The following GSE1 variants were observed in gnomAD, a reference collection of about 807,000 sequenced individuals.
GSE1 encodes the protein genetic suppressor element 1.
In GSE1, 32 loss-of-function variants were observed where a neutral mutation model predicts 112.6. That is an observed-to-expected ratio of 0.28 (90% confidence interval 0.21 to 0.38). GSE1 has a LOEUF of 0.38. Among genes scored for constraint, GSE1 ranks in the 10% least tolerant of loss-of-function variants. The pLI is 1.00. For synonymous variants in GSE1, 1,115 were observed against 735.6 expected (o/e 1.52, Z -8.35); for missense variants, 2,348 against 1,699.2 (o/e 1.38, Z -6.71).
At chr16:85,516,457 CAAAAAAAA>C (rs71151299) in intron 2 of GSE1, among the ~76,000 whole-genome samples, 5 of 69,442 alleles carry the variant, frequency 7.2e-5, no homozygotes, top group African/African-American at 1.5e-4. Context: ...CCCATCTCTA[CAAAAAAAA>C]AAAAAAAAAA....
At chr16:85,448,661 A>C (rs1301402615) in intron 2 of GSE1, among the ~76,000 whole-genome samples, 1 of 152,198 alleles carries the variant, frequency 6.6e-6, no homozygotes, top group African/African-American at 2.4e-5. Flanking sequence ...TCCATCTGCC[A>C]AGTTAATGCA....
At chr16:85,368,905 C>A (rs564511613) in intron 2 of GSE1, among the ~76,000 whole-genome samples, 3 of 152,094 alleles carry the variant, frequency 2.0e-5, no homozygotes, top group Admixed American at 6.5e-5. Context: ...CTGCGGGCTC[C>A]CTGAGTTGAG....
rs1285140067 is a variant in GSE1 at position 85,668,414 on chromosome 16, A to G, written c.3405A>G (p.Glu1135=). The change falls in exon 14 of 16, where the codon GAA becomes GAG. Residue 1135 remains glutamate, a synonymous_variant. Transcript: ENST00000253458. The part of the protein sequence containing the change: ...GIEAVFEAYQ[E]HIEEQNLERQ... Reference sequence around the variant, plus strand: ...AGGCCGTTTTTGAAGCTTACCAGGAACACATAGAAGGTAAGGGGGTGCTGG... The same window carrying G: ...AGGCCGTTTTTGAAGCTTACCAGGAGCACATAGAAGGTAAGGGGGTGCTGG... The G allele has an allele frequency of 2.5e-6, 4 of 1,592,884 alleles. No homozygotes were observed. The Admixed American group carries it at 5.0e-5, about 20-fold the overall frequency.
intron 1 of GSE1, among the ~76,000 whole-genome samples, chr16:85,192,338 C>T (rs1380771388): frequency 1.3e-5 from 2 of 152,318 alleles, no homozygotes; most frequent in East Asian, 3.9e-4. Flanking sequence ...TATAATTTCC[C>T]CATCTGTAAA....
intron 1 of GSE1, among the ~76,000 whole-genome samples, chr16:85,310,181 G>A (rs982530748): frequency 2.0e-5 from 3 of 152,016 alleles, no homozygotes; most frequent in Admixed American, 1.3e-4. Context: ...TCCCGCTGGC[G>A]CCCCCACGCC....
intron 3 of GSE1, among the ~76,000 whole-genome samples, 163 bp downstream of exon 3, chr16:85,648,914 G>A (rs554925145): frequency 1.8e-4 from 27 of 152,104 alleles, no homozygotes; most frequent in Non-Finnish European, 3.1e-4. Context: ...GGGTGACAGC[G>A]GCACCCTCCT....
chr16:85,232,205 C>T (rs1904293901), intron 1 of GSE1, among the ~76,000 whole-genome samples: 1 of 152,186 alleles, frequency 6.6e-6, no homozygotes, highest in African/African-American at 2.4e-5. Context: ...TGACTCCTTC[C>T]TTGGGAGCTG....
Position 85,578,777 on chromosome 16 carries a change from T to G in GSE1, c.37+22414T>G, listed in dbSNP as rs78707274. 1.6e-3 allele frequency among the ~76,000 whole-genome samples: 249 copies of G among 152,240 alleles called. 2 individuals are homozygous for G. The highest frequency in any genetic ancestry group is 5.5e-3 in the African/African-American group (229 of 41,538). On this transcript the variant is annotated intron_variant, in intron 1 of 2. Transcript: ENST00000635906. ...CAGGGCCTTTGCACAGGCTAGTCTC[T>G]CTTGCTCATTCAGGCCTCTGCTCAG...
chr16:85,457,122 C>T (rs2049849818), intron 2 of GSE1, among the ~76,000 whole-genome samples: 1 of 152,200 alleles, frequency 6.6e-6, no homozygotes. Context: ...CTCCCGCTTT[C>T]CTCTGACCCC....
At chr16:85,490,482 C>T (rs2050974887) in intron 2 of GSE1, 1 of 152,288 alleles carries the variant, frequency 6.6e-6, no homozygotes, top group Admixed American at 6.5e-5. Flanking sequence ...AGGCCCAGGG[C>T]ATCGTAGCCA....
intron 2 of GSE1, among the ~76,000 whole-genome samples, chr16:85,421,662 C>CG (rs1322467337): frequency 2.6e-5 from 4 of 152,114 alleles, no homozygotes; most frequent in Non-Finnish European, 5.9e-5. Flanking sequence ...CTGGGGGCGT[C>CG]GGGGGTGCTT....
At chr16:85,663,280 C>G in intron 10 of GSE1, 64 bp from the exon 11 acceptor site, 2 of 1,563,554 alleles carry the variant, frequency 1.3e-6, no homozygotes, top group Non-Finnish European at 1.7e-6. Flanking sequence ...GAGGGGACCC[C>G]GGGACAGTGC....
chr16:85,169,712 C>G, exon 1 of GSE1: 5 of 983,382 alleles, frequency 5.1e-6, no homozygotes, highest in Non-Finnish European at 6.0e-6. Context: ...CCCTTCTTCC[C>G]GTTCCTGCAG....
chr16:85,653,803 C>T (rs569778036), intron 3 of GSE1, among the ~76,000 whole-genome samples: 17 of 152,350 alleles, frequency 1.1e-4, no homozygotes, highest in Admixed American at 8.5e-4. Flanking sequence ...AGGACATCTG[C>T]GGCCAGGTGG....
At chr16:85,379,075 T>C (rs1022208825) in intron 2 of GSE1, among the ~76,000 whole-genome samples, 1 of 151,948 alleles carries the variant, frequency 6.6e-6, no homozygotes, top group Non-Finnish European at 1.5e-5. Context: ...CCGCTATGAC[T>C]CTCCCCAGAG....
Position 85,550,575 on chromosome 16 carries a change from AG to A in GSE1, c.2465-83331del, listed in dbSNP as rs913932817. Among the ~76,000 whole-genome samples, 34 of 150,368 alleles carry A rather than the reference AG, an allele frequency of 2.3e-4. No individual in the cohort carries two copies. In the East Asian group the frequency reaches 4.5e-3, roughly 20 times the overall value. On this transcript the variant is annotated intron_variant, in intron 2 of 2. Coordinates refer to the GSE1 transcript ENST00000637419. Reference sequence around the variant, plus strand: ...TTTGGGGAGCAGTGCCTCTCTCCAGAGGGGGGGGTTGTGGCCTGGTCCTGGG... The same window carrying A: ...TTTGGGGAGCAGTGCCTCTCTCCAGAGGGGGGGTTGTGGCCTGGTCCTGGG...
chr16:85,513,486 C>T (rs2051815007), intron 2 of GSE1, among the ~76,000 whole-genome samples: 2 of 152,092 alleles, frequency 1.3e-5, no homozygotes, highest in Admixed American at 1.3e-4. Flanking sequence ...GCAGGCTACC[C>T]CCCTCACCGC....
chr16:85,625,137 C>A (rs528721315), intron 1 of GSE1, among the ~76,000 whole-genome samples: 2 of 152,140 alleles, frequency 1.3e-5, no homozygotes, highest in South Asian at 4.1e-4. Context: ...TTTAGGAGGC[C>A]GCCTCCCTGC....
intron 2 of GSE1, among the ~76,000 whole-genome samples, chr16:85,549,157 T>TA (rs1444065495): frequency 6.6e-6 from 1 of 151,722 alleles, no homozygotes. Context: ...CAAGCAGACA[T>TA]ATCTTTTTTC....
Sources: allele counts gnomAD v4.1 joint callset (sites outside exome capture counted in the v4.1 genomes callset), GRCh38; gene constraint gnomAD v4.1.1; transcripts MANE v1.5; gene names NCBI Gene and HGNC (gene_info 2026-07-23, HGNC 2026-07-21).